The following FAM135B variants were observed in gnomAD, a reference collection of about 807,000 sequenced individuals.
FAM135B encodes family with sequence similarity 135 member B, also known as protein FAM135B.
In FAM135B, 43 loss-of-function variants were observed where a neutral mutation model predicts 127.7. The observed-to-expected ratio is 0.34, with a 90% CI of 0.26 to 0.43. FAM135B has a LOEUF of 0.43. FAM135B is among the 20% of genes least tolerant of loss of function. The pLI, the probability that FAM135B is intolerant of heterozygous loss-of-function variation, is 1.00. For missense variants in FAM135B, 1,558 were observed against 1,725.6 expected, an observed-to-expected ratio of 0.90 and a Z score of 1.72; for synonymous variants, 670 against 665.1, an observed-to-expected ratio of 1.01 and a Z score of -0.11.
chr8:138,334,644 T>A (rs1828429653), intron 2 of FAM135B, among the ~76,000 whole-genome samples: 1 of 152,188 alleles, frequency 6.6e-6, no homozygotes, highest in African/African-American at 2.4e-5. Flanking sequence ...ACATGTGGTA[T>A]TTGGTTTTCT....
intron 1 of FAM135B, among the ~76,000 whole-genome samples, chr8:138,492,268 G>A (rs1815233544): frequency 1.3e-5 from 2 of 151,918 alleles, no homozygotes. Flanking sequence ...ATGGTCAAAG[G>A]TCCCTAGAAT....
At chr8:138,330,968 G>A (rs1349359842) in intron 2 of FAM135B, among the ~76,000 whole-genome samples, 11 of 151,678 alleles carry the variant, frequency 7.3e-5, no homozygotes, top group African/African-American at 2.2e-4. Context: ...TCAGCCTCCC[G>A]AGTAGCTGGG....
In FAM135B at chr8:138,132,029, A is replaced by C. The variant is rs923551379; in HGVS notation, c.*564T>G. 1 of 153,946 alleles carries C rather than the reference A, an allele frequency of 6.5e-6. No individual in the cohort carries two copies. Among genetic ancestry groups the C allele is most frequent in the African/African-American group, 2.4e-5 (1 of 41,466 alleles). 9.5% of individuals were successfully genotyped at this position (153,946 alleles called of 1,614,324 possible). A position where few individuals can be genotyped will look rare whatever the true frequency, so the allele number is the denominator to read the frequency against. On this transcript the variant is annotated 3_prime_UTR_variant, in exon 20 of 20. Transcript: ENST00000395297. This position sits in a 1 kb window ranked among gnomAD's most constrained non-coding sequence, Gnocchi z 4.5. ...GTTATGAAATAGAACTGGGATTTGT[A>C]ACACATTCCTTGCTCCCTTGTTTAG...
intron 1 of FAM135B, among the ~76,000 whole-genome samples, chr8:138,375,958 C>A (rs1198973206): frequency 6.6e-6 from 1 of 152,142 alleles, no homozygotes; most frequent in African/African-American, 2.4e-5. Context: ...TGGGCATCAA[C>A]TGGGTTCAGC....
chr8:138,193,357 C>T (rs1336142489), intron 9 of FAM135B, among the ~76,000 whole-genome samples: 2 of 152,134 alleles, frequency 1.3e-5, no homozygotes, highest in South Asian at 2.1e-4. Context: ...ATGGTGATCC[C>T]GGACTAGGGA....
At chr8:138,162,095 T>A (rs1819463275) in intron 12 of FAM135B, among the ~76,000 whole-genome samples, 1 of 152,146 alleles carries the variant, frequency 6.6e-6, no homozygotes, top group South Asian at 2.1e-4. Context: ...ATGTGAAAAA[T>A]CCCTATCCTA....
At chr8:138,136,788 G>A (rs1181449861) in intron 19 of FAM135B, among the ~76,000 whole-genome samples, 1 of 151,954 alleles carries the variant, frequency 6.6e-6, no homozygotes, top group Non-Finnish European at 1.5e-5. Context: ...TTTATTTTTT[G>A]ACTTATCACA....
rs1381905310 is a variant in FAM135B at position 138,347,323 on chromosome 8, G to A, written c.77+20584C>T. ...CACAACACAAATCATCCCTTCCTGT[G>A]GTATCAATGATCCATGAGCCTGTCA... On this transcript the variant is annotated intron_variant, in intron 2 of 19. Transcript: ENST00000395297. Among the ~76,000 whole-genome samples the A allele has an allele frequency of 2.6e-5, 4 of 152,116 alleles. No individual in the cohort carries two copies. The South Asian group carries it at 6.2e-4, about 24-fold the overall frequency.
chr8:138,199,821 G>T (rs1221691841), intron 7 of FAM135B, among the ~76,000 whole-genome samples: 1 of 152,128 alleles, frequency 6.6e-6, no homozygotes, highest in Non-Finnish European at 1.5e-5. Flanking sequence ...GAACAGCAGA[G>T]GGGGAAACTG....
intron 3 of FAM135B, among the ~76,000 whole-genome samples, chr8:138,276,505 T>A (rs1260323456): frequency 6.6e-6 from 1 of 152,114 alleles, no homozygotes; most frequent in Non-Finnish European, 1.5e-5. Flanking sequence ...GCCTTTGTTT[T>A]CCACAGAGAT....
chr8:138,407,739 C>A (rs1166839825), intron 1 of FAM135B, among the ~76,000 whole-genome samples: 1 of 152,148 alleles, frequency 6.6e-6, no homozygotes, highest in African/African-American at 2.4e-5. Context: ...CTTCCTTACA[C>A]CTTATACGAA....
intron 19 of FAM135B, among the ~76,000 whole-genome samples, chr8:138,133,171 T>C (rs1816342964): frequency 6.6e-6 from 1 of 152,004 alleles, no homozygotes; most frequent in Non-Finnish European, 1.5e-5. Flanking sequence ...ATCTTGGGGG[T>C]TGGAAACACA....
chr8:138,334,685 C>T (rs1227631278), intron 2 of FAM135B, among the ~76,000 whole-genome samples: 4 of 152,090 alleles, frequency 2.6e-5, no homozygotes, highest in African/African-American at 4.8e-5. Context: ...TGAATAATGG[C>T]CCCCAGCTCC....
At chr8:138,375,014 A>ACC (rs1831375051) in intron 1 of FAM135B, among the ~76,000 whole-genome samples, 1 of 151,764 alleles carries the variant, frequency 6.6e-6, no homozygotes, top group African/African-American at 2.4e-5. Flanking sequence ...CAACAACAAC[A>ACC]ACCCCAGATT....
At chr8:138,174,497 A>G (rs116083103) in intron 11 of FAM135B, among the ~76,000 whole-genome samples, 2,333 of 152,200 alleles carry the variant, frequency 0.015, 55 homozygotes, top group African/African-American at 0.053. Flanking sequence ...TTTCTCTAGC[A>G]ATCTTCTCAG....
chr8:138,325,562 A>G (rs2130965764), intron 2 of FAM135B, among the ~76,000 whole-genome samples: 1 of 152,302 alleles, frequency 6.6e-6, no homozygotes, highest in Non-Finnish European at 1.5e-5. Flanking sequence ...AGCCTTCAGG[A>G]AATATATATA....
At chr8:138,367,860 A>AAC (rs3084240) in intron 2 of FAM135B, 47 bp downstream of exon 2, 20,588 of 1,227,704 alleles carry the variant, frequency 0.017, 212 homozygotes, top group African/African-American at 0.091. Context: ...AGAAACAAAC[A>AAC]ACACACACAC....
chr8:138,401,847 G>C (rs1157374), intron 1 of FAM135B, among the ~76,000 whole-genome samples: 92,371 of 152,160 alleles, frequency 0.61, 30,372 homozygotes, highest in African/African-American at 0.87. Context: ...TTCTGAGAAC[G>C]GTCTGGCTTA....
intron 2 of FAM135B, among the ~76,000 whole-genome samples, chr8:138,315,620 TACAC>T (rs759657004): frequency 6.6e-6 from 1 of 150,440 alleles, no homozygotes; most frequent in South Asian, 2.1e-4. Context: ...CATATCAATG[TACAC>T]ACACACACAC....
Sources: gnomAD v4.1 joint callset for allele counts (sites outside exome capture counted in the v4.1 genomes callset) on GRCh38, gnomAD v4.1.1 for gene constraint, Gnocchi (gnomAD v3.1) non-coding constraint, MANE v1.5 for transcripts, NCBI Gene and HGNC (gene_info 2026-07-23, HGNC 2026-07-21) for gene names.